The following STOX1 variants were observed in gnomAD, a reference collection of about 807,000 sequenced individuals.
The protein encoded by STOX1 is storkhead box 1.
In STOX1, 57 loss-of-function variants were observed where a neutral mutation model predicts 74.8. The ratio of observed to expected loss-of-function variants is 0.76; its 90% CI spans 0.62 to 0.95. The LOEUF (loss-of-function observed/expected upper bound fraction) is 0.95, where lower values mean the gene tolerates loss of function less well. STOX1 is among the 40% of genes least tolerant of loss of function. The pLI, the probability that STOX1 is intolerant of heterozygous loss-of-function variation, is 0.00. For missense variants in STOX1, 1,010 were observed against 1,117.0 expected (o/e 0.90, Z 1.37); for synonymous variants, 375 against 401.3 (o/e 0.93, Z 0.78).
At chr10:68,881,815 T>C (rs936171468) in intron 1 of STOX1, 143 bp from the exon 2 acceptor site, 5 of 915,368 alleles carry the variant, frequency 5.5e-6, no homozygotes, top group Non-Finnish European at 8.7e-6. Flanking sequence ...GTACATGTCA[T>C]GTTAACAGAT....
intron 1 of STOX1, among the ~76,000 whole-genome samples, chr10:68,846,024 C>G (rs928162836): frequency 1.3e-5 from 2 of 151,994 alleles, no homozygotes; most frequent in Non-Finnish European, 2.9e-5. Context: ...CAAGTGTGAG[C>G]CACTGTGCCC....
chr10:68,831,839 A>G (rs931463808), intron 1 of STOX1, among the ~76,000 whole-genome samples: 1 of 152,150 alleles, frequency 6.6e-6, no homozygotes, highest in African/African-American at 2.4e-5. Flanking sequence ...TTTCTCTAAA[A>G]AGAGAGACAT....
chr10:68,866,581 T>G (rs1223722273), intron 1 of STOX1, among the ~76,000 whole-genome samples: 1 of 152,208 alleles, frequency 6.6e-6, no homozygotes, highest in Non-Finnish European at 1.5e-5. Context: ...GATAAAATGA[T>G]TTGAATTTCC....
At chr10:68,851,828 G>A (rs369917179) in intron 1 of STOX1, among the ~76,000 whole-genome samples, 1 of 151,700 alleles carries the variant, frequency 6.6e-6, no homozygotes, top group African/African-American at 2.4e-5. Flanking sequence ...GCAACAGAGC[G>A]AGACTCTTGT....
intron 1 of STOX1, among the ~76,000 whole-genome samples, chr10:68,869,141 C>T (rs564617845): frequency 3.9e-5 from 6 of 152,340 alleles, no homozygotes; most frequent in African/African-American, 9.6e-5. Flanking sequence ...GAATAGCATT[C>T]AGGCTTGGGA....
intron 1 of STOX1, among the ~76,000 whole-genome samples, chr10:68,829,220 A>G (rs543221232): frequency 2.4e-4 from 36 of 152,350 alleles, no homozygotes; most frequent in African/African-American, 7.9e-4. Flanking sequence ...CTCGCCTGTA[A>G]TCCCAGCACT....
chr10:68,837,717 C>T (rs1259338381), intron 1 of STOX1, among the ~76,000 whole-genome samples: 1 of 152,176 alleles, frequency 6.6e-6, no homozygotes, highest in Admixed American at 6.5e-5. Context: ...TGCAGGACAC[C>T]TAGGATCTAA....
At position 68,886,417 on chromosome 10, in the gene STOX1, T is replaced by C. The variant is rs556327500; in HGVS notation, c.2621T>C (p.Ile874Thr). 12 of 1,614,190 alleles carry C rather than the reference T, an allele frequency of 7.4e-6. No homozygotes were observed. In the Admixed American group the frequency reaches 1.5e-4, roughly 20 times the overall value. ...GAAGCTGAAGTCATACAAGACACTA[T>C]TGGTGACACAGGAAAGAAGCCAGCT... ...SFEAEVIQDTIGDTGKKPASW... is the reference protein window; with the variant it reads ...SFEAEVIQDTTGDTGKKPASW... The change falls in exon 3 of 4, where the codon ATT (isoleucine) becomes ACT (threonine). Residue 874 changes from isoleucine to threonine, a missense_variant. Coordinates refer to ENST00000298596, the MANE Select transcript of STOX1 (RefSeq NM_152709.5).
downstream of STOX1, among the ~76,000 whole-genome samples, chr10:68,894,534 A>T (rs917843457): frequency 2.0e-5 from 3 of 152,150 alleles, no homozygotes; most frequent in African/African-American, 7.2e-5. Context: ...CAACTGACTG[A>T]CATACCACTG....
At position 68,864,250 on chromosome 10, in the gene STOX1, A is replaced by G. The variant is rs562504117; in HGVS notation, c.311-17708A>G. On this transcript the variant is annotated intron_variant, in intron 1 of 3. Coordinates refer to ENST00000298596, the MANE Select transcript of STOX1 (RefSeq NM_152709.5). The stretch of plus-strand genomic sequence containing the variant: ...AGTTCTGCTTTTTGAGCTGAAGTAT[A>G]GGCCGTCCGAAAAACTTTACCTTTT... 4.6e-5 allele frequency among the ~76,000 whole-genome samples: 7 copies of G among 152,278 alleles called. No homozygotes were observed. The East Asian group carries it at 1.2e-3, about 25-fold the overall frequency.
intron 1 of STOX1, among the ~76,000 whole-genome samples, chr10:68,866,724 G>C (rs879872266): frequency 1.3e-5 from 2 of 152,038 alleles, no homozygotes; most frequent in African/African-American, 2.4e-5. Context: ...TTTCTGTGGC[G>C]GCTCTCCAGG....
chr10:68,873,276 T>G (rs1335129025), intron 1 of STOX1, among the ~76,000 whole-genome samples: 4 of 150,146 alleles, frequency 2.7e-5, no homozygotes, highest in Non-Finnish European at 5.9e-5. Flanking sequence ...TTTTTTTTTT[T>G]TTGAGACGGA....
chr10:68,878,793 T>G (rs1005728645), intron 1 of STOX1, among the ~76,000 whole-genome samples: 6 of 152,246 alleles, frequency 3.9e-5, no homozygotes, highest in Non-Finnish European at 5.9e-5. Flanking sequence ...TACAATGTAC[T>G]GCTTTCTCTA....
At chr10:68,841,450 T>C (rs1185972374) in intron 1 of STOX1, among the ~76,000 whole-genome samples, 2 of 152,180 alleles carry the variant, frequency 1.3e-5, no homozygotes, top group Non-Finnish European at 2.9e-5. Flanking sequence ...AGATAGTTTA[T>C]AAATCTACAA....
At chr10:68,873,560 C>CT (rs5785876) in intron 1 of STOX1, among the ~76,000 whole-genome samples, 79,676 of 102,126 alleles carry the variant, frequency 0.78, 31,335 homozygotes, top group East Asian at 0.91. Context: ...CGCGCCTGGC[C>CT]TTTTTTTTTT....
Position 68,884,717 on chromosome 10 carries a change from AG to A in STOX1, c.923del (p.Gly308AlafsTer54). On this transcript the variant is annotated frameshift_variant, in exon 3 of 4. Transcript: ENST00000298596. LOFTEE classifies it high-confidence loss of function. ...TACCATACACAAGAGATAAAGAAAA[AG>A]GCAAGAAGTTTGGTTTTAGTCTCTT... is the stretch of plus-strand genomic sequence containing the variant. ...PLPYTRDKEK[G>X]KKFGFSLLWR... 1 of 1,614,178 alleles carries A rather than the reference AG, an allele frequency of 6.2e-7. No homozygotes were observed. The highest frequency in any genetic ancestry group is 2.2e-5 in the East Asian group (1 of 44,876).
chr10:68,867,035 C>G (rs181642645), intron 1 of STOX1, among the ~76,000 whole-genome samples: 20 of 151,678 alleles, frequency 1.3e-4, no homozygotes, highest in African/African-American at 4.6e-4. Context: ...AGCTCCGCCT[C>G]CCGGGTTCAC....
chr10:68,835,261 C>T (rs1839517015), intron 1 of STOX1, among the ~76,000 whole-genome samples: 1 of 151,910 alleles, frequency 6.6e-6, no homozygotes, highest in African/African-American at 2.4e-5. Context: ...AGGCTGGTCT[C>T]AAACTCCTGA....
At position 68,827,550 on chromosome 10, in the gene STOX1, G is replaced by A; in HGVS notation, c.-74G>A. 1 of 1,004,372 alleles carries A rather than the reference G, an allele frequency of 1.0e-6. No individual in the cohort carries two copies. The highest frequency in any genetic ancestry group is 4.8e-5 in the South Asian group (1 of 20,894). 62.2% of individuals were successfully genotyped at this position (1,004,372 alleles called of 1,614,324 possible). A position where few individuals can be genotyped will look rare whatever the true frequency, so the allele number is the denominator to read the frequency against. ...CCGCGCGCAGTCGGCCGATCCTCCCGCCGAGCGAGCGGCGTCGTAGCCGCC... is the reference window on the plus strand; with the variant it reads ...CCGCGCGCAGTCGGCCGATCCTCCCACCGAGCGAGCGGCGTCGTAGCCGCC... On this transcript the variant is annotated 5_prime_UTR_variant, in exon 1 of 4. Transcript: ENST00000298596.
Sources: allele counts gnomAD v4.1 joint callset (sites outside exome capture counted in the v4.1 genomes callset), GRCh38; gene constraint gnomAD v4.1.1; transcripts MANE v1.5; gene names NCBI Gene and HGNC (gene_info 2026-07-23, HGNC 2026-07-21).